The following NKAIN2 variants were observed in gnomAD, a reference collection of about 807,000 sequenced individuals.
The protein encoded by NKAIN2 is sodium/potassium-transporting ATPase subunit beta-1-interacting protein 2.
In NKAIN2, 14 loss-of-function variants were observed where a neutral mutation model predicts 32.6. That is an observed-to-expected ratio of 0.43 (90% confidence interval 0.28 to 0.67). The LOEUF (loss-of-function observed/expected upper bound fraction) is 0.67. NKAIN2 is among the 30% of genes least tolerant of loss of function. NKAIN2 has a pLI of 0.17. For synonymous variants in NKAIN2, 80 were observed against 87.2 expected (o/e 0.92, Z 0.46); for missense variants, 198 against 258.3 (o/e 0.77, Z 1.60).
At chr6:124,175,866 C>T (rs1789130242) in intron 1 of NKAIN2, among the ~76,000 whole-genome samples, 1 of 152,088 alleles carries the variant, frequency 6.6e-6, no homozygotes, top group South Asian at 2.1e-4. Context: ...CTCTCTTGCC[C>T]TTTATTTCTC....
intron 3 of NKAIN2, among the ~76,000 whole-genome samples, chr6:124,639,246 T>G (rs920062833): frequency 2.6e-5 from 4 of 152,186 alleles, no homozygotes; most frequent in Non-Finnish European, 5.9e-5. Context: ...GAAATTAGTA[T>G]ATCAAAGAGA....
At chr6:124,370,138 T>G (rs1799690849) in intron 3 of NKAIN2, among the ~76,000 whole-genome samples, 1 of 151,322 alleles carries the variant, frequency 6.6e-6, no homozygotes. Context: ...GGTTTAGTAG[T>G]TCAGTACGCT....
intron 3 of NKAIN2, among the ~76,000 whole-genome samples, chr6:124,449,955 G>A (rs900932402): frequency 7.9e-5 from 12 of 152,046 alleles, no homozygotes; most frequent in African/African-American, 1.9e-4. Context: ...GTCCAGGACA[G>A]CCAAAGAATG....
At chr6:124,606,840 A>AGTT (rs1782519798) in intron 3 of NKAIN2, among the ~76,000 whole-genome samples, 1 of 152,094 alleles carries the variant, frequency 6.6e-6, no homozygotes, top group African/African-American at 2.4e-5. Flanking sequence ...GCTCCTTCCA[A>AGTT]AGAAGGGGTT....
chr6:123,900,398 G>A (rs780033514), intron 1 of NKAIN2, among the ~76,000 whole-genome samples: 1 of 151,804 alleles, frequency 6.6e-6, no homozygotes, highest in Non-Finnish European at 1.5e-5. Flanking sequence ...GCTTGAACCC[G>A]GGAGGCGGAG....
At chr6:124,289,415 T>TAAAGG (rs111970812) in intron 2 of NKAIN2, among the ~76,000 whole-genome samples, 40,091 of 151,746 alleles carry the variant, frequency 0.26, 6,726 homozygotes, top group African/African-American at 0.48. Flanking sequence ...GCCAACATGG[T>TAAAGG]AAAGGATCCC....
chr6:124,015,386 A>G (rs990086839), intron 1 of NKAIN2, among the ~76,000 whole-genome samples: 1 of 152,160 alleles, frequency 6.6e-6, no homozygotes. Context: ...TCCTCAACTA[A>G]ATCATATTGA....
At chr6:124,199,860 T>C (rs919000309) in intron 1 of NKAIN2, among the ~76,000 whole-genome samples, 1 of 152,212 alleles carries the variant, frequency 6.6e-6, no homozygotes, top group Non-Finnish European at 1.5e-5. Context: ...TTAATAGTAG[T>C]GAAGATTCAA....
intron 4 of NKAIN2, among the ~76,000 whole-genome samples, chr6:124,728,091 T>A (rs1216105599): frequency 6.7e-6 from 1 of 149,314 alleles, no homozygotes; most frequent in East Asian, 2.0e-4. Context: ...AGACTTAGAC[T>A]CCCACACATT....
intron 3 of NKAIN2, among the ~76,000 whole-genome samples, chr6:124,533,123 C>A (rs1173807848): frequency 6.6e-6 from 1 of 151,968 alleles, no homozygotes; most frequent in Non-Finnish European, 1.5e-5. Context: ...AGAAACTGAT[C>A]TACTATTTTT....
chr6:124,706,927 G>C (rs1373822881), intron 4 of NKAIN2, among the ~76,000 whole-genome samples: 1 of 151,690 alleles, frequency 6.6e-6, no homozygotes. Flanking sequence ...TGCCATGCTG[G>C]TGCGCTGCAC....
At chr6:124,668,145 T>C (rs1418710302) in intron 4 of NKAIN2, among the ~76,000 whole-genome samples, 1 of 152,188 alleles carries the variant, frequency 6.6e-6, no homozygotes. Context: ...ACTTTTTATA[T>C]ACATATGTTT....
At chr6:123,936,707 C>G (rs1034824772) in intron 1 of NKAIN2, among the ~76,000 whole-genome samples, 2 of 152,032 alleles carry the variant, frequency 1.3e-5, no homozygotes, top group African/African-American at 4.8e-5. Flanking sequence ...GCTGATTATG[C>G]TGAAGTGTTG....
intron 3 of NKAIN2, among the ~76,000 whole-genome samples, chr6:124,637,507 T>C (rs562619933): frequency 2.2e-4 from 34 of 152,208 alleles, no homozygotes; most frequent in African/African-American, 8.2e-4. Flanking sequence ...ATTTTTGCAT[T>C]ATTTTTTCTT....
At chr6:124,618,464 G>A (rs1782988994) in intron 3 of NKAIN2, among the ~76,000 whole-genome samples, 1 of 152,132 alleles carries the variant, frequency 6.6e-6, no homozygotes, top group South Asian at 2.1e-4. Flanking sequence ...GGTGACAAGA[G>A]TGAAACTCTG....
chr6:123,919,629 T>A (rs894893131), intron 1 of NKAIN2, among the ~76,000 whole-genome samples: 4 of 152,144 alleles, frequency 2.6e-5, no homozygotes, highest in African/African-American at 9.6e-5. Context: ...CATTGAAACC[T>A]ACATGGTGTG....
intron 3 of NKAIN2, among the ~76,000 whole-genome samples, chr6:124,469,883 C>T (rs973881929): frequency 4.3e-4 from 65 of 152,158 alleles, no homozygotes; most frequent in African/African-American, 1.4e-3. Flanking sequence ...CTCTTCTTAT[C>T]TTCCTGAAGA....
chr6:123,846,980 A>G (rs545725995), intron 1 of NKAIN2, among the ~76,000 whole-genome samples: 66 of 152,336 alleles, frequency 4.3e-4, no homozygotes, highest in Non-Finnish European at 5.9e-4. Context: ...GTCCAGTACT[A>G]TGTAAGATGG....
chr6:124,425,517 G>A (rs1183246070), intron 3 of NKAIN2, among the ~76,000 whole-genome samples: 2 of 152,054 alleles, frequency 1.3e-5, no homozygotes, highest in South Asian at 2.1e-4. Flanking sequence ...GCAAACTACC[G>A]ACTGGGATGA....
Sources: gnomAD v4.1 joint callset for allele counts (sites outside exome capture counted in the v4.1 genomes callset) on GRCh38, gnomAD v4.1.1 for gene constraint, MANE v1.5 for transcripts, NCBI Gene and HGNC (gene_info 2026-07-23, HGNC 2026-07-21) for gene names.